DMD: variants seen among roughly 807,000 people sequenced by gnomAD.
DMD encodes the protein mutant dystrophin.
In DMD, 63 loss-of-function variants were observed where a neutral mutation model predicts 330.1. That is an observed-to-expected ratio of 0.19 (90% CI 0.16 to 0.24). The LOEUF (loss-of-function observed/expected upper bound fraction) is 0.24, where lower values mean the gene tolerates loss of function less well. DMD is among the 10% of genes least tolerant of loss of function. DMD has a pLI of 1.00. For synonymous variants in DMD, 1,223 were observed against 959.8 expected (o/e 1.27, Z -5.07); for missense variants, 3,344 against 2,684.1 (o/e 1.25, Z -5.43).
At chrX:33,191,376 C>T (rs73623919) in intron 1 of DMD, among the ~76,000 whole-genome samples, 2,957 of 107,887 alleles carry the variant, frequency 0.027, 81 homozygotes, top group African/African-American at 0.092. Context: ...CAAAAATAAA[C>T]ACTTCTTGAC....
chrX:31,201,055 G>A (rs1391836820), intron 67 of DMD, among the ~76,000 whole-genome samples: 3 of 110,843 alleles, frequency 2.7e-5, no homozygotes, highest in Non-Finnish European at 5.7e-5. Flanking sequence ...GCTGGATGCC[G>A]TGGCTCACGC....
intron 7 of DMD, among the ~76,000 whole-genome samples, chrX:32,709,124 G>A (rs139137047): frequency 0.012 from 1,335 of 111,661 alleles, 17 homozygotes; most frequent in African/African-American, 0.041. Context: ...ATTTGAGTTT[G>A]GAGTTTCTGG....
At chrX:31,439,448 G>T (rs2064772145) in intron 60 of DMD, among the ~76,000 whole-genome samples, 1 of 111,867 alleles carries the variant, frequency 8.9e-6, no homozygotes, top group Non-Finnish European at 1.9e-5. Flanking sequence ...TACCACAGAG[G>T]TATACAGATG....
intron 48 of DMD, among the ~76,000 whole-genome samples, chrX:31,867,220 T>C (rs1198582833): frequency 1.9e-5 from 2 of 107,033 alleles, no homozygotes; most frequent in African/African-American, 3.4e-5. Context: ...TTTTTTTTTA[T>C]ATTTTGGGTA....
At chrX:33,049,883 A>C (rs2094436322) in intron 1 of DMD, among the ~76,000 whole-genome samples, 1 of 112,010 alleles carries the variant, frequency 8.9e-6, no homozygotes, top group African/African-American at 3.2e-5. Context: ...TGTAAATTCA[A>C]TATAATTGAC....
intron 45 of DMD, among the ~76,000 whole-genome samples, chrX:31,944,118 T>C (rs2095050010): frequency 8.9e-6 from 1 of 111,914 alleles, no homozygotes; most frequent in Admixed American, 9.5e-5. Context: ...TTTCCTTAAA[T>C]GTGGTCTGGG....
intron 11 of DMD, among the ~76,000 whole-genome samples, chrX:32,627,617 G>A (rs772825508): frequency 9.0e-6 from 1 of 111,051 alleles, no homozygotes; most frequent in East Asian, 2.9e-4. Context: ...AACTCAGGTA[G>A]TTTGGCTCCG....
At position 31,217,775 on chromosome X, in the gene DMD, G is replaced by C. The variant is rs1357998058; in HGVS notation, c.9361+5272C>G. Among the ~76,000 whole-genome samples, 3 of 111,868 alleles carry C rather than the reference G, an allele frequency of 2.7e-5. No homozygotes were observed. In the Admixed American group the frequency reaches 2.8e-4, roughly 11 times the overall value. On this transcript the variant is annotated intron_variant, in intron 64 of 78. Coordinates refer to ENST00000357033, the MANE Select transcript of DMD (RefSeq NM_004006.3). ...CATATGTTCAATAAAAGGATGGGGTGAACTCTTCATTCTATAGTTTTACTA... is the reference window on the plus strand; with the variant it reads ...CATATGTTCAATAAAAGGATGGGGTCAACTCTTCATTCTATAGTTTTACTA...
At chrX:31,594,607 T>C (rs767817854) in intron 55 of DMD, among the ~76,000 whole-genome samples, 1 of 111,889 alleles carries the variant, frequency 8.9e-6, no homozygotes, top group Non-Finnish European at 1.9e-5. Flanking sequence ...ATCTAATCTG[T>C]AAATCTTCCA....
intron 55 of DMD, among the ~76,000 whole-genome samples, chrX:31,598,624 A>G (rs1196575014): frequency 8.9e-6 from 1 of 111,981 alleles, no homozygotes; most frequent in East Asian, 2.8e-4. Flanking sequence ...ACAGTGAAAT[A>G]AAGAAAATTC....
intron 47 of DMD, among the ~76,000 whole-genome samples, chrX:31,918,035 G>A (rs1051712697): frequency 9.0e-6 from 1 of 111,562 alleles, no homozygotes; most frequent in African/African-American, 3.3e-5. Flanking sequence ...ATAACACAGT[G>A]ATGCTCAATG....
In DMD at chrX:32,173,066, GGTGTGTGTGTGTGTGT is replaced by G. The variant is rs3040089; in HGVS notation, c.6438+43834_6438+43849del. On this transcript the variant is annotated intron_variant, in intron 44 of 78. Transcript: ENST00000357033. ...TTTTCAGCTTGTGATACCTGATTTTGGTGTGTGTGTGTGTGTGTGTGTGTGTGTGTGTGTGTGTGTA... is the reference window on the plus strand; with the variant it reads ...TTTTCAGCTTGTGATACCTGATTTTGGTGTGTGTGTGTGTGTGTGTGTGTA... Among the ~76,000 whole-genome samples, 211 of 89,626 alleles carry G rather than the reference GGTGTGTGTGTGTGTGT, an allele frequency of 2.4e-3. 1 individual carries two copies. Among genetic ancestry groups the G allele is most frequent in the African/African-American group, 8.5e-3 (197 of 23,176 alleles). 77.8% of individuals were successfully genotyped at this position (89,626 alleles called of 115,157 possible).
chrX:32,575,592 T>G (rs1287656257), intron 13 of DMD, among the ~76,000 whole-genome samples: 1 of 112,479 alleles, frequency 8.9e-6, no homozygotes, highest in African/African-American at 3.2e-5. Flanking sequence ...AGGTTTTTTC[T>G]AAAACATACT....
intron 2 of DMD, among the ~76,000 whole-genome samples, chrX:32,996,974 A>G (rs907910165): frequency 1.2e-4 from 13 of 112,049 alleles, no homozygotes; most frequent in African/African-American, 4.2e-4. Flanking sequence ...TAATGAATCT[A>G]TAAGAAAGCA....
intron 74 of DMD, among the ~76,000 whole-genome samples, chrX:31,159,465 G>A: frequency 9.0e-6 from 1 of 111,418 alleles, no homozygotes; most frequent in East Asian, 2.8e-4. Flanking sequence ...AAATAAAATG[G>A]GTGAGTTTAG....
intron 63 of DMD, among the ~76,000 whole-genome samples, chrX:31,225,094 A>T (rs956579225): frequency 8.9e-6 from 1 of 112,591 alleles, no homozygotes; most frequent in African/African-American, 3.2e-5. Context: ...ATCTAACCTG[A>T]ACACTTAAAA....
chrX:32,798,459 G>A (rs961844601), intron 7 of DMD, among the ~76,000 whole-genome samples: 1 of 111,976 alleles, frequency 8.9e-6, no homozygotes, highest in Non-Finnish European at 1.9e-5. Context: ...TTTTTGTCAT[G>A]AAGAGCAATT....
rs202008454 is a variant in DMD, at chrX:32,545,231, G to C, written c.2096C>G (p.Ala699Gly). ...AGGTGGTGGTGGAAGTTCCTCTTGA[G>C]CATGCTTTACCAGGATCTGTTCCCT... is the stretch of plus-strand genomic sequence containing the variant. ...TTREQILVKH[A>G]QEELPPPPPQ... Residue 699 changes from alanine to glycine, a missense_variant, in exon 17 of 79, where the codon GCT becomes GGT. Physicochemically the swap from Ala to Gly is moderately conservative, Grantham distance 60 (BLOSUM62 0). Coordinates refer to ENST00000357033, the MANE Select transcript of DMD (RefSeq NM_004006.3). 203 of 1,208,596 alleles carry C rather than the reference G, an allele frequency of 1.7e-4. 2 individuals are homozygous for C. The East Asian group carries it at 5.0e-3, about 30-fold the overall frequency.
intron 1 of DMD, among the ~76,000 whole-genome samples, chrX:33,283,851 T>C (rs2053381820): frequency 3.6e-5 from 2 of 55,136 alleles, no homozygotes; most frequent in African/African-American, 1.3e-4. Flanking sequence ...ACCTCATCTC[T>C]ACTAAAAATA....
Sources: gnomAD v4.1 joint callset for allele counts (sites outside exome capture counted in the v4.1 genomes callset) on GRCh38, gnomAD v4.1.1 for gene constraint, MANE v1.5 for transcripts, NCBI Gene and HGNC (gene_info 2026-07-23, HGNC 2026-07-21) for gene names.